Variants in ENGASE observed in about 807,000 individuals in gnomAD.
ENGASE encodes endo-beta-N-acetylglucosaminidase, also known as cytosolic endo-beta-N-acetylglucosaminidase.
ENGASE carries 69 observed loss-of-function variants against 78.5 expected under a neutral mutation model. That is an observed-to-expected ratio of 0.88 (90% CI 0.72 to 1.07). The LOEUF is 1.07. Among genes scored for constraint, ENGASE ranks in the 50% least tolerant of loss-of-function variants. The pLI, the probability that ENGASE is intolerant of heterozygous loss-of-function variation, is 0.00. For missense variants in ENGASE, 943 were observed against 988.4 expected (o/e 0.95, Z 0.62); for synonymous variants, 408 against 408.9 (o/e 1.00, Z 0.03).
Position 79,074,828 on chromosome 17 carries a change from G to T in ENGASE, c.-117G>T. 8.4e-7 allele frequency: 1 copy of T among 1,195,956 alleles called. No individual in the cohort carries two copies. Among genetic ancestry groups the T allele is most frequent in the Non-Finnish European group, 1.0e-6 (1 of 963,286 alleles). The allele number at this position is 1,195,956 out of a possible 1,614,324, so 74.1% of individuals were successfully genotyped here. Reference sequence around the variant, plus strand: ...CCCGCCGCGCGGCCGCTGGCCGGGAGTCAGCTCGGAGTCCCGTCCCAGCGC... The same window carrying T: ...CCCGCCGCGCGGCCGCTGGCCGGGATTCAGCTCGGAGTCCCGTCCCAGCGC... On this transcript the variant is annotated 5_prime_UTR_variant, in exon 1 of 14. Transcript: ENST00000579016.
At chr17:79,085,087 A>G in intron 11 of ENGASE, 147 bp from the exon 12 acceptor site, 1 of 723,032 alleles carries the variant, frequency 1.4e-6, no homozygotes, top group Middle Eastern at 2.7e-4. Context: ...GCTCCTCCGG[A>G]GTCCTTGCTG....
intron 5 of ENGASE, 142 bp downstream of exon 5, chr17:79,080,506 GT>G: frequency 3.2e-6 from 3 of 926,786 alleles, no homozygotes; most frequent in African/African-American, 1.7e-5. Flanking sequence ...CTCCCAGGCA[GT>G]GCCAACTCTG....
At position 79,083,994 on chromosome 17, in the gene ENGASE, AT is replaced by A; in HGVS notation, c.1442+44del. 2 of 1,559,822 alleles carry A rather than the reference AT, an allele frequency of 1.3e-6. No individual in the cohort carries two copies. The highest frequency in any genetic ancestry group is 1.8e-6 in the Non-Finnish European group (2 of 1,142,206). On this transcript the variant is annotated intron_variant, in intron 10 of 13. Coordinates refer to ENST00000579016, the MANE Select transcript of ENGASE (RefSeq NM_001042573.3). This position sits in a 1 kb window ranked among gnomAD's most constrained non-coding sequence, Gnocchi z 4.9. ...GACGGTGGGCCCACCAGCTTCTCCC[AT>A]CACACGTGGTGGCCATGGAACTGGA...
rs186549089 is a variant in ENGASE, at chr17:79,084,375, G to T, written c.1443-163G>T. 1.1e-4 allele frequency: 76 copies of T among 664,312 alleles called. No individual in the cohort carries two copies. In the African/African-American group the frequency reaches 1.2e-3, roughly 11 times the overall value. The allele number at this position is 664,312 out of a possible 1,614,324, so 41.2% of individuals were successfully genotyped here. Reference sequence around the variant, plus strand: ...CAGCCCACAAAAGAATCTGGCCTTGGGGGAGGACTTGTCCCCTGGCTACGG... The same window carrying T: ...CAGCCCACAAAAGAATCTGGCCTTGTGGGAGGACTTGTCCCCTGGCTACGG... On this transcript the variant is annotated intron_variant, in intron 10 of 13. Coordinates refer to ENST00000579016, the MANE Select transcript of ENGASE (RefSeq NM_001042573.3).
chr17:79,075,653 C>G (rs975482275), intron 1 of ENGASE: 14 of 980,946 alleles, frequency 1.4e-5, no homozygotes, highest in Non-Finnish European at 1.7e-5. Flanking sequence ...TTGGGGGGCA[C>G]TTGCCCACCC....
At chr17:79,082,122 T>A in intron 7 of ENGASE, 59 bp downstream of exon 7, 1 of 1,613,796 alleles carries the variant, frequency 6.2e-7, no homozygotes, top group South Asian at 1.1e-5. Flanking sequence ...GGACCTCATT[T>A]CCTCATGGAC....
At chr17:79,077,640 C>G in intron 2 of ENGASE, 23 bp from the exon 3 acceptor site, 1 of 1,612,086 alleles carries the variant, frequency 6.2e-7, no homozygotes, top group East Asian at 2.2e-5. Flanking sequence ...ATTAATTGCT[C>G]AATGTTTCTG....
intron 7 of ENGASE, chr17:79,082,317 T>A (rs1822546297): frequency 7.2e-7 from 1 of 1,387,912 alleles, no homozygotes; most frequent in East Asian, 3.1e-5. Context: ...CAGAGGCGCG[T>A]CGTTCCCCCG....
intron 7 of ENGASE, 196 bp from the exon 8 acceptor site, chr17:79,082,824 G>T: frequency 6.6e-7 from 1 of 1,518,636 alleles, no homozygotes; most frequent in Non-Finnish European, 8.8e-7. Flanking sequence ...CCTCTCCCGC[G>T]CCCTCTTCTG....
rs2073004166 is a variant in ENGASE at position 79,077,751 on chromosome 17, G to A, written c.303G>A (p.Glu101=). The A allele has an allele frequency of 6.2e-7, 1 of 1,614,188 alleles. No homozygotes were observed. Among genetic ancestry groups the A allele is most frequent in the Non-Finnish European group, 8.5e-7 (1 of 1,180,046 alleles). Residue 101 remains glutamate (E), a synonymous_variant, in exon 3 of 14, where the codon GAG becomes GAA. Transcript: ENST00000579016. Reference sequence around the variant, plus strand: ...TCTTGGCGTGGAAGCCCCGCTTGGAGGATGGCTTTAATGTGGCCCTGGAGC... The same window carrying A: ...TCTTGGCGTGGAAGCCCCGCTTGGAAGATGGCTTTAATGTGGCCCTGGAGC... ...EELLAWKPRL[E]DGFNVALEPL...
Position 79,081,020 on chromosome 17 carries a change from C to T in ENGASE, c.819C>T (p.Ser273=), listed in dbSNP as rs772343762. Residue 273 remains serine, a synonymous_variant, in exon 6 of 14, where the codon AGC becomes AGT. Transcript: ENST00000579016. The part of the protein sequence containing the change: ...VPGGLVLWYD[S]VVQSGQLKWQ... ...GGGGCCTGGTGCTCTGGTATGACAG[C>T]GTGGTGCAAAGTGGGCAGCTCAAAT... The T allele has an allele frequency of 1.9e-5, 30 of 1,595,048 alleles. No individual in the cohort carries two copies. Among genetic ancestry groups the T allele is most frequent in the East Asian group, 4.6e-5 (2 of 43,476 alleles).
chr17:79,077,408 G>T (rs765534551), intron 1 of ENGASE, 22 bp from the exon 2 acceptor site: 1 of 1,596,342 alleles, frequency 6.3e-7, no homozygotes, highest in Non-Finnish European at 8.5e-7. Flanking sequence ...ATTTATAAAT[G>T]TACAACTCCC....
chr17:79,086,320 G>A lies in ENGASE; in HGVS notation c.2203G>A (p.Ala735Thr), dbSNP rs540005742. The change falls in exon 14 of 14, where the codon GCA (alanine) becomes ACA (threonine). Residue 735 changes from alanine (A) to threonine (T), a missense_variant. Transcript: ENST00000579016. ...FRVPQAEWGRAVLLYSAPA is the reference protein window; with the variant it reads ...FRVPQAEWGRTVLLYSAPA ...GGTACCTCAGGCCGAGTGGGGCAGG[G>A]CAGTTCTGCTTTATTCAGCCCCTGC... 1.1e-5 allele frequency: 17 copies of A among 1,613,278 alleles called. No homozygotes were observed. Among genetic ancestry groups the A allele is most frequent in the Admixed American group, 1.7e-5 (1 of 60,032 alleles).
intron 6 of ENGASE, 120 bp from the exon 7 acceptor site, chr17:79,081,778 G>T: frequency 7.7e-7 from 1 of 1,300,310 alleles, no homozygotes; most frequent in Admixed American, 2.5e-5. Flanking sequence ...GGGTGGGGTG[G>T]GGTGGGGTGG....
At chr17:79,077,560 G>A in intron 2 of ENGASE, 63 bp downstream of exon 2, 1 of 1,550,634 alleles carries the variant, frequency 6.4e-7, no homozygotes, top group East Asian at 2.2e-5. Flanking sequence ...GGGCAGGTCA[G>A]CCCCTGCCCC....
At position 79,085,605 on chromosome 17, in the gene ENGASE, C is replaced by G. The variant is rs1386597130; in HGVS notation, c.1701-15C>G. On this transcript the variant is annotated splice_polypyrimidine_tract_variant and intron_variant, in intron 12 of 13. Transcript: ENST00000579016. ...GGGCTGAGCCCGGCCAGTGATCAGC[C>G]CTTTCGCCCCGTAGCTGCTACGAGG... The G allele has an allele frequency of 1.2e-6, 2 of 1,612,996 alleles. No individual in the cohort carries two copies. The highest frequency in any genetic ancestry group is 1.7e-4 in the Middle Eastern group (1 of 6,052).
chr17:79,077,143 T>C (rs892934113), intron 1 of ENGASE, among the ~76,000 whole-genome samples: 1 of 152,218 alleles, frequency 6.6e-6, no homozygotes, highest in Non-Finnish European at 1.5e-5. Flanking sequence ...AGTGTTGGGA[T>C]TACAGGCGTG....
intron 5 of ENGASE, 98 bp downstream of exon 5, chr17:79,080,462 G>C: frequency 7.0e-7 from 1 of 1,430,628 alleles, no homozygotes; most frequent in South Asian, 1.2e-5. Flanking sequence ...CCACGCCTGG[G>C]CTGCAGGTTG....
chr17:79,075,211 C>A (rs2072939348), intron 1 of ENGASE, 121 bp downstream of exon 1: 3 of 1,114,598 alleles, frequency 2.7e-6, no homozygotes, highest in Non-Finnish European at 2.2e-6. Flanking sequence ...GTGTCCGCTC[C>A]GTGCACAGTA....
Sources: allele counts gnomAD v4.1 joint callset (sites outside exome capture counted in the v4.1 genomes callset), GRCh38; gene constraint gnomAD v4.1.1; non-coding constraint Gnocchi (gnomAD v3.1); transcripts MANE v1.5; gene names NCBI Gene and HGNC (gene_info 2026-07-23, HGNC 2026-07-21).